Variants in USP6NL observed in about 807,000 individuals in gnomAD.
USP6NL encodes USP6 N-terminal like, also known as USP6 N-terminal-like protein.
In USP6NL, 26 loss-of-function variants were observed where a neutral mutation model predicts 61.9. The observed-to-expected ratio is 0.42, with a 90% CI of 0.31 to 0.58. The LOEUF (loss-of-function observed/expected upper bound fraction) is 0.58, where lower values mean the gene tolerates loss of function less well. Among genes scored for constraint, USP6NL ranks in the 20% least tolerant of loss-of-function variants. USP6NL has a pLI of 0.16. For missense variants in USP6NL, 1,114 were observed against 1,034.3 expected (o/e 1.08, Z -1.06); for synonymous variants, 432 against 390.1 (o/e 1.11, Z -1.27).
chr10:11,468,459 T>G lies in USP6NL; in HGVS notation c.1079-4610A>C, dbSNP rs1219074226. On this transcript the variant is annotated intron_variant, in intron 14 of 14. Coordinates refer to ENST00000609104, the MANE Select transcript of USP6NL (RefSeq NM_014688.5). This position sits in a 1 kb window ranked among gnomAD's most constrained non-coding sequence, Gnocchi z 4.5. ...TGGAAGCGAAACACTACTGGACTAC[T>G]GCCTACACCCCTCACTCAGAGGAGT... is the stretch of plus-strand genomic sequence containing the variant. Among the ~76,000 whole-genome samples, 1 of 152,226 alleles carries G rather than the reference T, an allele frequency of 6.6e-6. No individual in the cohort carries two copies. The highest frequency in any genetic ancestry group is 1.5e-5 in the Non-Finnish European group (1 of 68,038).
At chr10:11,535,525 A>T (rs1401556214) in intron 2 of USP6NL, among the ~76,000 whole-genome samples, 1 of 152,230 alleles carries the variant, frequency 6.6e-6, no homozygotes, top group Non-Finnish European at 1.5e-5. Context: ...GCTGGTACAG[A>T]GAAGGAAACA....
intron 2 of USP6NL, among the ~76,000 whole-genome samples, chr10:11,535,907 G>A (rs1316499351): frequency 6.6e-6 from 1 of 152,126 alleles, no homozygotes; most frequent in Admixed American, 6.5e-5. Flanking sequence ...TATTTTACAT[G>A]TGGAAATCTT....
intron 7 of USP6NL, among the ~76,000 whole-genome samples, chr10:11,497,452 G>A (rs1432920958): frequency 1.3e-5 from 2 of 151,282 alleles, no homozygotes; most frequent in Non-Finnish European, 2.9e-5. Flanking sequence ...AAAAGATAAT[G>A]GGCAAGTAAA....
chr10:11,527,697 A>C (rs1258758658), intron 2 of USP6NL, 130 bp from the exon 3 acceptor site: 1 of 818,792 alleles, frequency 1.2e-6, no homozygotes, highest in Non-Finnish European at 1.9e-6. Context: ...AAAATCAAAT[A>C]AAAGGATGAG....
chr10:11,562,396 C>T lies in USP6NL; in HGVS notation c.5-34829G>A, dbSNP rs896941269. 1 of 985,204 alleles carries T rather than the reference C, an allele frequency of 1.0e-6. No individual in the cohort carries two copies. The highest frequency in any genetic ancestry group is 1.7e-5 in the African/African-American group (1 of 57,230). 61.0% of individuals were successfully genotyped at this position (985,204 alleles called of 1,614,324 possible). A position where few individuals can be genotyped will look rare whatever the true frequency, so the allele number is the denominator to read the frequency against. ...AGGTGACACCAACTTCAGATTTCCC[C>T]TTTTCCTTTTTCTTCTTGCTTGGCT... On this transcript the variant is annotated intron_variant, in intron 2 of 14. Coordinates refer to ENST00000609104, the MANE Select transcript of USP6NL (RefSeq NM_014688.5). The surrounding 1 kb of genome is among the most constrained non-coding windows in gnomAD (Gnocchi z 4.8).
intron 2 of USP6NL, among the ~76,000 whole-genome samples, chr10:11,529,624 T>TA (rs1250533698): frequency 1.1e-4 from 17 of 152,320 alleles, no homozygotes; most frequent in Non-Finnish European, 1.6e-4. Context: ...TTCAATAAAA[T>TA]AAAAATACAG....
chr10:11,590,117 T>C lies in USP6NL; in HGVS notation c.4+7514A>G, dbSNP rs535497177. Among the ~76,000 whole-genome samples, 28 of 152,326 alleles carry C rather than the reference T, an allele frequency of 1.8e-4. No homozygotes were observed. In the East Asian group the frequency reaches 5.0e-3, roughly 27 times the overall value. On this transcript the variant is annotated intron_variant, in intron 2 of 14. Transcript: ENST00000609104. ...TAATTTATGGCTCAGTGCTTAAAAG[T>C]AGGAGTGGGAGACTGGGATAAGGGA...
rs1462153804 is a variant in USP6NL at position 11,468,506 on chromosome 10, CTCAT to C, written c.1079-4661_1079-4658del. On this transcript the variant is annotated intron_variant, in intron 14 of 14. Coordinates refer to ENST00000609104, the MANE Select transcript of USP6NL (RefSeq NM_014688.5). The surrounding 1 kb of genome is among the most constrained non-coding windows in gnomAD (Gnocchi z 4.5). ...GAGTGGTCCTGTCCTTCCCCTAGTT[CTCAT>C]TCAAATACACAGAGGCCCTTGGCTG... Among the ~76,000 whole-genome samples, 1 of 152,212 alleles carries C rather than the reference CTCAT, an allele frequency of 6.6e-6. No homozygotes were observed. Among genetic ancestry groups the C allele is most frequent in the African/African-American group, 2.4e-5 (1 of 41,450 alleles).
chr10:11,555,470 A>AGCG, intron 2 of USP6NL, among the ~76,000 whole-genome samples: 1 of 79,280 alleles, frequency 1.3e-5, no homozygotes, highest in Middle Eastern at 5.9e-3. Context: ...AGAGAGAGAG[A>AGCG]AAGAGAGAGA....
At chr10:11,549,797 A>G (rs1038162095) in intron 2 of USP6NL, among the ~76,000 whole-genome samples, 2 of 152,206 alleles carry the variant, frequency 1.3e-5, no homozygotes, top group African/African-American at 4.8e-5. Context: ...CATCTCTTCT[A>G]CTTTACCAAC....
At position 11,463,504 on chromosome 10, in the gene USP6NL, G is replaced by A; in HGVS notation, c.1424C>T (p.Ala475Val). 1 of 1,614,078 alleles carries A rather than the reference G, an allele frequency of 6.2e-7. No individual in the cohort carries two copies. ...AAACTCCTTCCTGATATTTGAAGTG[G>A]CGTTGCTATTTTGGTTGGCAGCTGC... ...NHAAANQNSN[A>V]TSNIRKEFVP... Residue 475 changes from alanine to valine, a missense_variant, in exon 15 of 15, where the codon GCC (alanine) becomes GTC (valine). Coordinates refer to ENST00000609104, the MANE Select transcript of USP6NL (RefSeq NM_014688.5). The surrounding 1 kb of genome is among the most constrained non-coding windows in gnomAD (Gnocchi z 6.3).
At chr10:11,501,065 TA>T in intron 7 of USP6NL, 35 bp downstream of exon 7, 1 of 1,481,404 alleles carries the variant, frequency 6.8e-7, no homozygotes, top group Non-Finnish European at 9.1e-7. Context: ...TTTTACTTTT[TA>T]ATTTCAAAAT....
chr10:11,509,732 T>TA (rs1566145933), intron 5 of USP6NL, 57 bp from the exon 6 acceptor site: 2 of 1,396,086 alleles, frequency 1.4e-6, no homozygotes, highest in African/African-American at 2.9e-5. Context: ...TTATGAGTTA[T>TA]AAAAAACTTC....
In USP6NL at chr10:11,462,746, C is replaced by T; in HGVS notation, c.2182G>A (p.Asp728Asn). 1.2e-6 allele frequency: 2 copies of T among 1,613,974 alleles called. No individual in the cohort carries two copies. Among genetic ancestry groups the T allele is most frequent in the East Asian group, 2.2e-5 (1 of 44,880 alleles). The change falls in exon 15 of 15, where the codon GAT (aspartate) becomes AAT (asparagine). Residue 728 changes from aspartate (D) to asparagine (N), a missense_variant. By Grantham distance (23) the Asp-to-Asn change is conservative. Transcript: ENST00000609104. ...CATGTTCTGTTATCTGGCAAGTAATCCACTGGTGGAATGATCAATTTTCCA... is the reference window on the plus strand; with the variant it reads ...CATGTTCTGTTATCTGGCAAGTAATTCACTGGTGGAATGATCAATTTTCCA... ...KNGKLIIPPV[D>N]YLPDNRTWSE...
intron 4 of USP6NL, among the ~76,000 whole-genome samples, chr10:11,519,139 C>T (rs1349922361): frequency 6.6e-5 from 10 of 152,192 alleles, no homozygotes; most frequent in African/African-American, 1.7e-4. Context: ...TCTGTTCCCA[C>T]GAAACTTTTA....
intron 2 of USP6NL, among the ~76,000 whole-genome samples, chr10:11,543,290 C>T (rs1836138513): frequency 6.6e-6 from 1 of 152,126 alleles, no homozygotes; most frequent in African/African-American, 2.4e-5. Context: ...ACCTGTAATC[C>T]CAGCACTTTG....
chr10:11,578,945 G>C (rs1274128403), intron 2 of USP6NL, among the ~76,000 whole-genome samples: 1 of 152,178 alleles, frequency 6.6e-6, no homozygotes, highest in Admixed American at 6.5e-5. Flanking sequence ...TGTGGTGGGT[G>C]TTTTTATACC....
intron 2 of USP6NL, among the ~76,000 whole-genome samples, chr10:11,544,333 A>G (rs894432349): frequency 3.9e-5 from 6 of 152,048 alleles, no homozygotes; most frequent in African/African-American, 1.4e-4. Context: ...TAAAATACCA[A>G]CTCCAAGGAG....
chr10:11,498,571 T>C (rs1052912027), intron 7 of USP6NL, among the ~76,000 whole-genome samples: 1 of 152,108 alleles, frequency 6.6e-6, no homozygotes, highest in South Asian at 2.1e-4. Flanking sequence ...CATCTTGGCA[T>C]GGTTGCAGGA....
Sources: gnomAD v4.1 joint callset for allele counts (sites outside exome capture counted in the v4.1 genomes callset) on GRCh38, gnomAD v4.1.1 for gene constraint, Gnocchi (gnomAD v3.1) non-coding constraint, MANE v1.5 for transcripts, NCBI Gene and HGNC (gene_info 2026-07-23, HGNC 2026-07-21) for gene names.